GNA12: variants seen among roughly 807,000 people sequenced by gnomAD.
GNA12 encodes the protein G protein subunit alpha 12.
GNA12 carries 9 observed loss-of-function variants against 26.0 expected under a neutral mutation model. The observed-to-expected ratio is 0.35, with a 90% CI of 0.21 to 0.60. The LOEUF is 0.60. Among genes scored for constraint, GNA12 ranks in the 20% least tolerant of loss-of-function variants. The probability of loss-of-function intolerance (pLI) is 0.78; values close to 1 mark genes in which losing one functional copy is unlikely to be tolerated. For missense variants in GNA12, 405 were observed against 525.8 expected, an observed-to-expected ratio of 0.77 and a Z score of 2.25; for synonymous variants, 264 against 219.6, an observed-to-expected ratio of 1.20 and a Z score of -1.79.
At chr7:2,785,770 G>A (rs1792343297) in intron 2 of GNA12, among the ~76,000 whole-genome samples, 1 of 152,164 alleles carries the variant, frequency 6.6e-6, no homozygotes, top group Admixed American at 6.5e-5. Context: ...GAAATAAAAA[G>A]GTACAATGGC....
chr7:2,753,268 C>T (rs1791125470), intron 2 of GNA12, among the ~76,000 whole-genome samples: 1 of 152,156 alleles, frequency 6.6e-6, no homozygotes, highest in Non-Finnish European at 1.5e-5. Flanking sequence ...ATCCTCCTGC[C>T]TCAGCCTCCC....
intron 2 of GNA12, among the ~76,000 whole-genome samples, chr7:2,756,549 A>G (rs1241626197): frequency 6.6e-6 from 1 of 151,998 alleles, no homozygotes; most frequent in Non-Finnish European, 1.5e-5. Context: ...CGGGAGGTCG[A>G]GGCTGCAGTG....
chr7:2,758,670 C>T (rs780305297), intron 2 of GNA12, among the ~76,000 whole-genome samples: 1 of 152,196 alleles, frequency 6.6e-6, no homozygotes, highest in Non-Finnish European at 1.5e-5. Context: ...CTTGGAGGAA[C>T]CCCTGTGCTA....
In GNA12 at chr7:2,730,287, G is replaced by A. The variant is rs709282; in HGVS notation, c.*894C>T. ...TGACTTGCAGGAAGATGGGAGAGCC[G>A]TCTGCAAGGGGACCTGGTTTCTGTG... On this transcript the variant is annotated 3_prime_UTR_variant, in exon 4 of 4. Coordinates refer to ENST00000275364, the MANE Select transcript of GNA12 (RefSeq NM_007353.3). The A allele has an allele frequency of 0.41, 61,996 of 152,418 alleles. 12,892 individuals are homozygous for A. Among genetic ancestry groups the A allele is most frequent in the Admixed American group, 0.47 (7,187 of 15,292 alleles). The allele number at this position is 152,418 out of a possible 1,614,324, so 9.4% of individuals were successfully genotyped here. A position where few individuals can be genotyped will look rare whatever the true frequency, so the allele number is the denominator to read the frequency against.
In GNA12 at chr7:2,730,838, TACAC is replaced by T. The variant is rs1197400159; in HGVS notation, c.*339_*342del. The T allele has an allele frequency of 3.7e-6, 1 of 269,254 alleles. No individual in the cohort carries two copies. Among genetic ancestry groups the T allele is most frequent in the Non-Finnish European group, 7.1e-6 (1 of 141,576 alleles). The allele number at this position is 269,254 out of a possible 1,614,324, so 16.7% of individuals were successfully genotyped here. On this transcript the variant is annotated 3_prime_UTR_variant, in exon 4 of 4. Coordinates refer to ENST00000275364, the MANE Select transcript of GNA12 (RefSeq NM_007353.3). ...TAAAGACAGAGCGTGTGTACACACA[TACAC>T]ACACAACACGGTCCTCAATTAAACT...
At chr7:2,737,461 G>A (rs1210746910) in intron 2 of GNA12, among the ~76,000 whole-genome samples, 2 of 151,782 alleles carry the variant, frequency 1.3e-5, no homozygotes, top group African/African-American at 4.8e-5. Flanking sequence ...GCTAACTTTT[G>A]TATTTTTAGT....
At chr7:2,744,018 C>A (rs530969612) in intron 2 of GNA12, among the ~76,000 whole-genome samples, 2 of 152,208 alleles carry the variant, frequency 1.3e-5, no homozygotes, top group East Asian at 1.9e-4. Context: ...ACAAAGCAGC[C>A]GGGAAGCTCA....
At chr7:2,800,264 A>G (rs1792777572) in intron 1 of GNA12, among the ~76,000 whole-genome samples, 1 of 152,256 alleles carries the variant, frequency 6.6e-6, no homozygotes, top group African/African-American at 2.4e-5. Flanking sequence ...GTTTAATAAC[A>G]TTCTTGAGGT....
At chr7:2,840,194 G>C (rs978676045) in intron 1 of GNA12, among the ~76,000 whole-genome samples, 2 of 152,072 alleles carry the variant, frequency 1.3e-5, no homozygotes, top group African/African-American at 4.8e-5. Flanking sequence ...GCTGGCAGAG[G>C]GTATGTGGGA....
intron 1 of GNA12, among the ~76,000 whole-genome samples, chr7:2,821,163 C>T (rs1424233447): frequency 6.6e-6 from 1 of 152,184 alleles, no homozygotes; most frequent in Non-Finnish European, 1.5e-5. Flanking sequence ...TTATTCTTGG[C>T]TTAAGAATTT....
chr7:2,782,767 G>A (rs974772451), intron 2 of GNA12, among the ~76,000 whole-genome samples: 1 of 151,532 alleles, frequency 6.6e-6, no homozygotes, highest in African/African-American at 2.4e-5. Context: ...TTCTTCCTGT[G>A]ACTCAGTGTT....
chr7:2,783,813 T>G (rs959032275), intron 2 of GNA12, among the ~76,000 whole-genome samples: 2 of 151,728 alleles, frequency 1.3e-5, no homozygotes, highest in Admixed American at 1.3e-4. Flanking sequence ...GCCTCCCGAG[T>G]AGGTGGGATT....
chr7:2,832,249 G>A (rs528097537), intron 1 of GNA12, among the ~76,000 whole-genome samples: 2 of 152,244 alleles, frequency 1.3e-5, no homozygotes, highest in South Asian at 2.1e-4. Context: ...CTGTCCTCCC[G>A]TTGTGTTTCC....
At chr7:2,834,910 G>A (rs966768028) in intron 1 of GNA12, among the ~76,000 whole-genome samples, 4 of 152,182 alleles carry the variant, frequency 2.6e-5, no homozygotes, top group South Asian at 4.1e-4. Context: ...ACCTAACGAT[G>A]CATTTCCTGG....
intron 1 of GNA12, chr7:2,814,301 G>C: frequency 6.8e-7 from 1 of 1,465,160 alleles, no homozygotes; most frequent in East Asian, 2.3e-5. Flanking sequence ...GTTGAACGGA[G>C]TGAGACTCAC....
chr7:2,749,213 T>C (rs1790908644), intron 2 of GNA12, among the ~76,000 whole-genome samples: 2 of 152,152 alleles, frequency 1.3e-5, no homozygotes, highest in Non-Finnish European at 2.9e-5. Context: ...CATGCACACG[T>C]GTGTTTATTG....
At chr7:2,767,230 G>C (rs1791830750) in intron 2 of GNA12, among the ~76,000 whole-genome samples, 1 of 152,138 alleles carries the variant, frequency 6.6e-6, no homozygotes, top group South Asian at 2.1e-4. Context: ...CCACAAAAAT[G>C]TTTACATTTG....
At chr7:2,768,688 A>AAAAC (rs1491208427) in intron 2 of GNA12, among the ~76,000 whole-genome samples, 1 of 106,714 alleles carries the variant, frequency 9.4e-6, no homozygotes, top group Admixed American at 9.7e-5. Context: ...AAAACAAAAC[A>AAAAC]AAAAAAAAAA....
chr7:2,807,516 CTAT>C, intron 1 of GNA12, among the ~76,000 whole-genome samples: 1 of 151,256 alleles, frequency 6.6e-6, no homozygotes, highest in Middle Eastern at 3.4e-3. Context: ...GGGAGATTTA[CTAT>C]TAATTACTGT....
Sources: gnomAD v4.1 joint callset for allele counts (sites outside exome capture counted in the v4.1 genomes callset) on GRCh38, gnomAD v4.1.1 for gene constraint, MANE v1.5 for transcripts, NCBI Gene and HGNC (gene_info 2026-07-23, HGNC 2026-07-21) for gene names.